The following FCHSD2 variants were observed in gnomAD, a reference collection of about 807,000 sequenced individuals.
The protein encoded by FCHSD2 is FCH and double SH3 domains 2.
Under a neutral mutation model 108.1 loss-of-function variants are expected in FCHSD2, and 38 were observed. That is an observed-to-expected ratio of 0.35 (90% CI 0.27 to 0.46). The LOEUF (loss-of-function observed/expected upper bound fraction) is 0.46. FCHSD2 is among the 20% of genes least tolerant of loss of function. The pLI, the probability that FCHSD2 is intolerant of heterozygous loss-of-function variation, is 1.00. For missense variants in FCHSD2, 751 were observed against 897.8 expected (o/e 0.84, Z 2.09); for synonymous variants, 279 against 314.7 (o/e 0.89, Z 1.20).
chr11:73,064,627 G>A, intron 3 of FCHSD2, among the ~76,000 whole-genome samples: 1 of 152,248 alleles, frequency 6.6e-6, no homozygotes, highest in East Asian at 1.9e-4. Flanking sequence ...TGTGGGATCA[G>A]TGGTGATATC....
chr11:72,855,457 C>CA (rs769891346), intron 13 of FCHSD2, among the ~76,000 whole-genome samples: 8 of 151,884 alleles, frequency 5.3e-5, no homozygotes, highest in Non-Finnish European at 1.2e-4. Flanking sequence ...GCCTGGGTGA[C>CA]AGAGTGAGAC....
At chr11:72,973,932 GC>G (rs1028150873) in intron 8 of FCHSD2, among the ~76,000 whole-genome samples, 35 of 152,098 alleles carry the variant, frequency 2.3e-4, no homozygotes, top group Non-Finnish European at 4.1e-4. Flanking sequence ...AGAAATGTTT[GC>G]CAACCTCTGT....
intron 3 of FCHSD2, among the ~76,000 whole-genome samples, chr11:73,050,106 A>G (rs372183073): frequency 2.6e-5 from 4 of 152,326 alleles, no homozygotes; most frequent in African/African-American, 7.2e-5. Context: ...TCTGCAGGCC[A>G]TAAGATCTCC....
intron 3 of FCHSD2, among the ~76,000 whole-genome samples, chr11:73,039,691 C>T (rs1858586971): frequency 6.6e-6 from 1 of 152,158 alleles, no homozygotes; most frequent in South Asian, 2.1e-4. Flanking sequence ...CCTAAATTCA[C>T]AGGTGAGTCA....
intron 2 of FCHSD2, among the ~76,000 whole-genome samples, chr11:73,130,954 C>T (rs1236825032): frequency 1.3e-5 from 2 of 152,108 alleles, no homozygotes; most frequent in African/African-American, 2.4e-5. Context: ...AAAATTCTCC[C>T]TCTCAAGATT....
chr11:72,939,703 C>T (rs1401518302), intron 8 of FCHSD2, among the ~76,000 whole-genome samples: 2 of 149,994 alleles, frequency 1.3e-5, no homozygotes, highest in Non-Finnish European at 1.5e-5. Context: ...ACTGCAACCC[C>T]CGCCTCCCGG....
At chr11:73,032,232 G>C (rs890009637) in intron 3 of FCHSD2, among the ~76,000 whole-genome samples, 1 of 152,028 alleles carries the variant, frequency 6.6e-6, no homozygotes, top group Non-Finnish European at 1.5e-5. Flanking sequence ...ATTGTTCAAT[G>C]TTTTTTTATT....
chr11:72,980,418 T>G (rs1245651973), intron 8 of FCHSD2, among the ~76,000 whole-genome samples: 1 of 152,100 alleles, frequency 6.6e-6, no homozygotes, highest in East Asian at 1.9e-4. Flanking sequence ...GAGTTACAAT[T>G]TCATTTCATT....
At chr11:73,128,011 C>CA (rs1340416463) in intron 2 of FCHSD2, among the ~76,000 whole-genome samples, 1,379 of 69,300 alleles carry the variant, frequency 0.02, 11 homozygotes, top group African/African-American at 0.045. Context: ...AAGACCATCT[C>CA]AAAAAAAAAA....
At chr11:72,855,767 C>T (rs1861413004) in intron 13 of FCHSD2, among the ~76,000 whole-genome samples, 1 of 151,864 alleles carries the variant, frequency 6.6e-6, no homozygotes, top group Admixed American at 6.6e-5. Flanking sequence ...GAGCACTGTC[C>T]GTGATATAGT....
At chr11:73,000,652 G>A (rs1432198573) in intron 5 of FCHSD2, among the ~76,000 whole-genome samples, 2 of 152,114 alleles carry the variant, frequency 1.3e-5, no homozygotes, top group African/African-American at 2.4e-5. Flanking sequence ...GAACTAGTGG[G>A]ATTAATAACC....
chr11:73,024,183 G>A (rs930428018), intron 3 of FCHSD2, among the ~76,000 whole-genome samples: 4 of 152,086 alleles, frequency 2.6e-5, no homozygotes, highest in African/African-American at 9.7e-5. Flanking sequence ...TCTACCAGTG[G>A]TTGGGGGAAC....
In FCHSD2 at chr11:72,843,523, G is replaced by A; in HGVS notation, c.1453C>T (p.Pro485Ser). The change falls in exon 15 of 20, where the codon CCA (proline) becomes TCA (serine). Residue 485 changes from proline to serine, a missense_variant. Physicochemically the swap from Pro to Ser is moderately conservative, Grantham distance 74 (BLOSUM62 -1). Transcript: ENST00000409418. ...KVVYSYKASQPDELTIEEHEV... is the reference protein window; with the variant it reads ...KVVYSYKASQSDELTIEEHEV... Reference sequence around the variant, plus strand: ...TGTTCCTCAATGGTCAACTCATCTGGTTGAGAAGCCTGCAGTGTAGGATGG... The same window carrying A: ...TGTTCCTCAATGGTCAACTCATCTGATTGAGAAGCCTGCAGTGTAGGATGG... 6.2e-7 allele frequency: 1 copy of A among 1,613,368 alleles called. No homozygotes were observed. Among genetic ancestry groups the A allele is most frequent in the Non-Finnish European group, 8.5e-7 (1 of 1,179,356 alleles).
chr11:73,129,689 C>T (rs1430236302), intron 2 of FCHSD2, among the ~76,000 whole-genome samples: 1 of 152,028 alleles, frequency 6.6e-6, no homozygotes, highest in Non-Finnish European at 1.5e-5. Context: ...ATAAAGTGCA[C>T]AATAAATGTA....
intron 8 of FCHSD2, among the ~76,000 whole-genome samples, chr11:72,929,499 C>A (rs945613770): frequency 3.3e-5 from 5 of 152,090 alleles, no homozygotes; most frequent in African/African-American, 4.8e-5. Context: ...GCAGGAGATA[C>A]AAAAATTAAG....
At chr11:73,028,102 C>G (rs541981055) in intron 3 of FCHSD2, among the ~76,000 whole-genome samples, 85 of 152,316 alleles carry the variant, frequency 5.6e-4, no homozygotes, top group Non-Finnish European at 7.6e-4. Flanking sequence ...AGAATGCTCA[C>G]AGGGGCACTG....
At chr11:72,854,278 A>G (rs1861365029) in intron 13 of FCHSD2, among the ~76,000 whole-genome samples, 1 of 152,258 alleles carries the variant, frequency 6.6e-6, no homozygotes. Flanking sequence ...ATTTGTAAAC[A>G]AATGTTCACA....
chr11:73,053,664 A>G (rs994687782), intron 3 of FCHSD2, among the ~76,000 whole-genome samples: 1 of 152,234 alleles, frequency 6.6e-6, no homozygotes, highest in Non-Finnish European at 1.5e-5. Context: ...TAAAATTGTT[A>G]AATATCCATA....
intron 8 of FCHSD2, among the ~76,000 whole-genome samples, chr11:72,957,658 T>G (rs934298794): frequency 1.3e-5 from 2 of 151,940 alleles, no homozygotes; most frequent in African/African-American, 2.4e-5. Context: ...TGGTAGTATC[T>G]GCTGATGTTG....
Sources: allele counts gnomAD v4.1 joint callset (sites outside exome capture counted in the v4.1 genomes callset), GRCh38; gene constraint gnomAD v4.1.1; transcripts MANE v1.5; gene names NCBI Gene and HGNC (gene_info 2026-07-23, HGNC 2026-07-21).